The following POGLUT3 variants were observed in gnomAD, a reference collection of about 807,000 sequenced individuals.
POGLUT3 encodes the protein KDEL (Lys-Asp-Glu-Leu) containing 2.
Under a neutral mutation model 54.3 loss-of-function variants are expected in POGLUT3, and 48 were observed. The ratio of observed to expected loss-of-function variants is 0.88; its 90% confidence interval spans 0.70 to 1.12. POGLUT3 has a LOEUF of 1.12. Ranked by LOEUF, POGLUT3 falls within the 50% of genes most tolerant of loss-of-function variation. The probability of loss-of-function intolerance (pLI) is 0.00; values close to 1 mark genes in which losing one functional copy is unlikely to be tolerated. For synonymous variants in POGLUT3, 218 were observed against 237.4 expected, an observed-to-expected ratio of 0.92 and a Z score of 0.75; for missense variants, 629 against 618.7, an observed-to-expected ratio of 1.02 and a Z score of -0.18.
At position 108,490,958 on chromosome 11, in the gene POGLUT3, A is replaced by G. The variant is rs1233591889; in HGVS notation, c.400+12T>C. 5 of 1,608,576 alleles carry G rather than the reference A, an allele frequency of 3.1e-6. No individual in the cohort carries two copies. In the African/African-American group the frequency reaches 5.3e-5, roughly 17 times the overall value. ...CACAAGGCTGACTCTGGAGTATATA[A>G]TAATCACTTACCTTTCAAAATATAG... is the stretch of plus-strand genomic sequence containing the variant. On this transcript the variant is annotated intron_variant, in intron 2 of 7. Transcript: ENST00000323468.
chr11:108,489,235 T>C (rs1468528409), intron 2 of POGLUT3, among the ~76,000 whole-genome samples: 1 of 152,194 alleles, frequency 6.6e-6, no homozygotes, highest in Non-Finnish European at 1.5e-5. Flanking sequence ...AACCACAGGA[T>C]AGTTTCAAGC....
Position 108,498,107 on chromosome 11 carries a change from GGCGGGGACGC to G in POGLUT3, c.202+48_202+57del, listed in dbSNP as rs986562447. The G allele has an allele frequency of 2.6e-5, 37 of 1,417,480 alleles. No homozygotes were observed. In the African/African-American group the frequency reaches 4.8e-4, roughly 18 times the overall value. 87.8% of individuals were successfully genotyped at this position (1,417,480 alleles called of 1,614,324 possible). A position where few individuals can be genotyped will look rare whatever the true frequency, so the allele number is the denominator to read the frequency against. On this transcript the variant is annotated intron_variant, in intron 1 of 7. Coordinates refer to ENST00000323468, the MANE Select transcript of POGLUT3 (RefSeq NM_153705.5). Reference sequence around the variant, plus strand: ...GCAGGCCGCGGGCGGACTCCCGGGCGGCGGGGACGCGCGGGGACCCGGCCGCGGGACGAGG... The same window carrying G: ...GCAGGCCGCGGGCGGACTCCCGGGCGGCGGGGACCCGGCCGCGGGACGAGG...
At chr11:108,476,040 G>A (rs2093581100) in intron 7 of POGLUT3, among the ~76,000 whole-genome samples, 1 of 152,162 alleles carries the variant, frequency 6.6e-6, no homozygotes, top group African/African-American at 2.4e-5. Flanking sequence ...GTGGGAGGCT[G>A]AGGTGGGAGG....
At chr11:108,478,072 C>T (rs958070308) in intron 6 of POGLUT3, 10 of 222,440 alleles carry the variant, frequency 4.5e-5, no homozygotes, top group Non-Finnish European at 8.8e-5. Flanking sequence ...TCCTTGAACC[C>T]GGGAGGCAGA....
At position 108,486,160 on chromosome 11, in the gene POGLUT3, T is replaced by C. The variant is rs1591642791; in HGVS notation, c.681A>G (p.Arg227=). The part of the protein sequence containing the change: ...FSDEILLSLT[R]KVLLPDLEFY... Reference sequence around the variant, plus strand: ...ATCAATTCATTCATTCTCCTACCTTTCTTGTCAATGATAACAAAATCTCAT... The same window carrying C: ...ATCAATTCATTCATTCTCCTACCTTCCTTGTCAATGATAACAAAATCTCAT... The change falls in exon 3 of 8, where the codon AGA becomes AGG. Residue 227 remains arginine (R), a synonymous_variant. Coordinates refer to ENST00000323468, the MANE Select transcript of POGLUT3 (RefSeq NM_153705.5). 6.2e-7 allele frequency: 1 copy of C among 1,601,846 alleles called. No homozygotes were observed. The highest frequency in any genetic ancestry group is 2.2e-5 in the East Asian group (1 of 44,710).
In POGLUT3 at chr11:108,489,696, G is replaced by C. The variant is rs1475642888; in HGVS notation, c.400+1274C>G. Reference sequence around the variant, plus strand: ...CAGCACTTTGGGGAGCCGAGGCAGGGGGATCACTTGAGTGCAGGAGTTTGA... The same window carrying C: ...CAGCACTTTGGGGAGCCGAGGCAGGCGGATCACTTGAGTGCAGGAGTTTGA... On this transcript the variant is annotated intron_variant, in intron 2 of 7. Coordinates refer to ENST00000323468, the MANE Select transcript of POGLUT3 (RefSeq NM_153705.5). Among the ~76,000 whole-genome samples, 4 of 152,188 alleles carry C rather than the reference G, an allele frequency of 2.6e-5. No individual in the cohort carries two copies. In the East Asian group the frequency reaches 7.7e-4, roughly 29 times the overall value.
chr11:108,491,460 C>T (rs2093613254), intron 1 of POGLUT3: 1 of 516,898 alleles, frequency 1.9e-6, no homozygotes, highest in Non-Finnish European at 3.4e-6. Flanking sequence ...GCTCATGAAC[C>T]TCCTGCCTCA....
rs1156378999 is a variant in POGLUT3 at position 108,491,074 on chromosome 11, G to A, written c.296C>T (p.Thr99Ile). The A allele has an allele frequency of 1.2e-6, 2 of 1,613,890 alleles. No homozygotes were observed. Among genetic ancestry groups the A allele is most frequent in the East Asian group, 2.2e-5 (1 of 44,856 alleles). ...VPKPLDRNDG[T>I]FLMRYRMYET... Reference sequence around the variant, plus strand: ...ATACATCCTATATCTCATCAAAAATGTTCCATCATTCCTGTCCAAAGGTTT... The same window carrying A: ...ATACATCCTATATCTCATCAAAAATATTCCATCATTCCTGTCCAAAGGTTT... The change falls in exon 2 of 8, where the codon ACA (threonine) becomes ATA (isoleucine). Residue 99 changes from threonine to isoleucine, a missense_variant. Coordinates refer to ENST00000323468, the MANE Select transcript of POGLUT3 (RefSeq NM_153705.5).
At chr11:108,481,084 C>T in intron 5 of POGLUT3, 96 bp downstream of exon 5, 2 of 876,340 alleles carry the variant, frequency 2.3e-6, no homozygotes, top group South Asian at 3.2e-5. Flanking sequence ...TGTCAGTTCA[C>T]AAGCCAGGTG....
chr11:108,491,333 G>A, intron 1 of POGLUT3, 166 bp from the exon 2 acceptor site: 2 of 618,414 alleles, frequency 3.2e-6, no homozygotes, highest in South Asian at 4.1e-5. Flanking sequence ...GAACTGTCAT[G>A]TCTGGTTCAT....
chr11:108,487,081 C>T (rs1436588142), intron 2 of POGLUT3: 1 of 152,274 alleles, frequency 6.6e-6, no homozygotes, highest in Non-Finnish European at 1.5e-5. Context: ...TCCACAAACC[C>T]TTATCATAAG....
chr11:108,476,537 T>C (rs1186438910), intron 7 of POGLUT3, among the ~76,000 whole-genome samples: 3 of 152,232 alleles, frequency 2.0e-5, no homozygotes, highest in Non-Finnish European at 2.9e-5. Flanking sequence ...GTGTAACTTA[T>C]CATTTTTATT....
At chr11:108,489,866 A>T (rs1443417977) in intron 2 of POGLUT3, among the ~76,000 whole-genome samples, 2 of 152,146 alleles carry the variant, frequency 1.3e-5, no homozygotes, top group East Asian at 3.9e-4. Flanking sequence ...GGTTTGCTTT[A>T]AACTAGCAGT....
intron 1 of POGLUT3, among the ~76,000 whole-genome samples, chr11:108,495,872 A>G (rs1243440532): frequency 1.3e-5 from 2 of 152,314 alleles, no homozygotes; most frequent in African/African-American, 4.8e-5. Flanking sequence ...AGACTAAAAA[A>G]GGTAAAAAAA....
rs112140992 is a variant in POGLUT3 at position 108,473,822 on chromosome 11, T to C, written c.*1005A>G. The C allele has an allele frequency of 3.6e-4, 55 of 152,310 alleles. No homozygotes were observed. Among genetic ancestry groups the C allele is most frequent in the African/African-American group, 1.3e-3 (54 of 41,574 alleles). The allele number at this position is 152,310 out of a possible 1,614,324, so 9.4% of individuals were successfully genotyped here. ...TTGATGGGTATACAACTCAGATAGA[T>C]TTGGAATTACTAACTTAAGGTACAA... On this transcript the variant is annotated 3_prime_UTR_variant, in exon 8 of 8. Transcript: ENST00000323468.
Position 108,498,273 on chromosome 11 carries a change from T to C in POGLUT3, c.94A>G (p.Ser32Gly). 4.0e-6 allele frequency: 6 copies of C among 1,493,628 alleles called. No individual in the cohort carries two copies. The highest frequency in any genetic ancestry group is 5.3e-6 in the Non-Finnish European group (6 of 1,121,630). The allele number at this position is 1,493,628 out of a possible 1,614,324, so 92.5% of individuals were successfully genotyped here. The stretch of plus-strand genomic sequence containing the variant: ...TGCAGCCCGGGCCCCCACACCAGGC[T>C]CCGCGGCGCGCTGACCAGCACCTCC... ...APEVLVSAPR[S>G]LVWGPGLQAA... The change falls in exon 1 of 8, where the codon AGC (serine) becomes GGC (glycine). Residue 32 changes from serine to glycine, a missense_variant. Coordinates refer to ENST00000323468, the MANE Select transcript of POGLUT3 (RefSeq NM_153705.5).
chr11:108,490,939 G>T (rs754949273), intron 2 of POGLUT3, 31 bp downstream of exon 2: 1 of 1,565,712 alleles, frequency 6.4e-7, no homozygotes, highest in African/African-American at 1.4e-5. Flanking sequence ...TACACACAAG[G>T]CTGACTCTGG....
Position 108,474,717 on chromosome 11 carries a change from C to T in POGLUT3, c.*110G>A, listed in dbSNP as rs539435936. On this transcript the variant is annotated 3_prime_UTR_variant, in exon 8 of 8. Transcript: ENST00000323468. ...TATCCATCTACATATATAAAGCCAC[C>T]GGGAGAACTAGTCCACTTGGTGCAG... The T allele has an allele frequency of 5.9e-5, 76 of 1,281,204 alleles. 1 individual carries two copies. In the Middle Eastern group the frequency reaches 7.0e-4, roughly 12 times the overall value. The allele number at this position is 1,281,204 out of a possible 1,614,324, so 79.4% of individuals were successfully genotyped here. A position where few individuals can be genotyped will look rare whatever the true frequency, so the allele number is the denominator to read the frequency against.
intron 2 of POGLUT3, among the ~76,000 whole-genome samples, chr11:108,487,769 G>A (rs2093606263): frequency 6.6e-6 from 1 of 151,666 alleles, no homozygotes; most frequent in Admixed American, 6.6e-5. Context: ...GCACCACCAT[G>A]TTTGGCTAAT....
Sources: allele counts gnomAD v4.1 joint callset (sites outside exome capture counted in the v4.1 genomes callset), GRCh38; gene constraint gnomAD v4.1.1; transcripts MANE v1.5; gene names NCBI Gene and HGNC (gene_info 2026-07-23, HGNC 2026-07-21).